DLGAP2: variants seen among roughly 807,000 people sequenced by gnomAD.
The protein encoded by DLGAP2 is DLG associated protein 2, also known as disks large-associated protein 2.
In DLGAP2, 26 loss-of-function variants were observed where a neutral mutation model predicts 100.3. The observed-to-expected ratio is 0.26, with a 90% confidence interval of 0.19 to 0.36. The LOEUF (loss-of-function observed/expected upper bound fraction) is 0.36. DLGAP2 is among the 10% of genes least tolerant of loss of function. The probability of loss-of-function intolerance (pLI) is 1.00; values close to 1 mark genes in which losing one functional copy is unlikely to be tolerated. For missense variants in DLGAP2, 1,858 were observed against 1,453.2 expected, an observed-to-expected ratio of 1.28 and a Z score of -4.53; for synonymous variants, 886 against 630.1, an observed-to-expected ratio of 1.41 and a Z score of -6.08.
At chr8:1,012,492 G>GCC in intron 2 of DLGAP2, among the ~76,000 whole-genome samples, 1 of 148,948 alleles carries the variant, frequency 6.7e-6, no homozygotes, top group Non-Finnish European at 1.5e-5. Flanking sequence ...CGTCTGACCA[G>GCC]CCCCCCACTT....
At chr8:1,511,845 C>G (rs542861825) in intron 4 of DLGAP2, among the ~76,000 whole-genome samples, 1 of 152,212 alleles carries the variant, frequency 6.6e-6, no homozygotes, top group African/African-American at 2.4e-5. Flanking sequence ...ATCAGTAGGT[C>G]ACATGAGCAA....
intron 8 of DLGAP2, among the ~76,000 whole-genome samples, chr8:1,651,341 T>C (rs1272291801): frequency 6.6e-6 from 1 of 152,142 alleles, no homozygotes; most frequent in African/African-American, 2.4e-5. Context: ...TCAGCAGCCA[T>C]GGTCACGTCC....
intron 3 of DLGAP2, among the ~76,000 whole-genome samples, chr8:1,486,201 C>A (rs371302753): frequency 1.3e-5 from 2 of 152,140 alleles, no homozygotes; most frequent in South Asian, 2.1e-4. Context: ...GAAACCAAGG[C>A]TTTCATTACT....
intron 3 of DLGAP2, among the ~76,000 whole-genome samples, chr8:1,308,063 G>A (rs541317070): frequency 6.6e-6 from 1 of 152,312 alleles, no homozygotes; most frequent in Non-Finnish European, 1.5e-5. Flanking sequence ...GCACAAAGCT[G>A]TGCATACACC....
rs572385796 is a variant in DLGAP2 at position 1,615,024 on chromosome 8, A to G, written c.1443-11716A>G. Among the ~76,000 whole-genome samples the G allele has an allele frequency of 3.3e-5, 5 of 152,352 alleles. No individual in the cohort carries two copies. In the East Asian group the frequency reaches 5.8e-4, roughly 18 times the overall value. ...TACCTGCTGCAGGAGGGCGGTAGGA[A>G]CTGAAGCAGACAGCTGCAGTCTCCT... On this transcript the variant is annotated intron_variant, in intron 6 of 14. Transcript: ENST00000637795.
Position 1,585,800 on chromosome 8 carries a change from C to G in DLGAP2, c.1442+19906C>G, listed in dbSNP as rs74778370. On this transcript the variant is annotated intron_variant, in intron 6 of 14. Coordinates refer to ENST00000637795, the MANE Select transcript of DLGAP2 (RefSeq NM_001346810.2). ...ATCAGTTATTAAACTGATGCTTAAA[C>G]TGTAAAATTATGACTCATTGTAAAG... is the stretch of plus-strand genomic sequence containing the variant. 3.8e-3 allele frequency among the ~76,000 whole-genome samples: 578 copies of G among 152,306 alleles called. 3 individuals are homozygous for G. Among genetic ancestry groups the G allele is most frequent in the African/African-American group, 0.013 (552 of 41,570 alleles).
At chr8:1,594,753 A>T (rs1796397900) in intron 6 of DLGAP2, among the ~76,000 whole-genome samples, 1 of 152,146 alleles carries the variant, frequency 6.6e-6, no homozygotes, top group Admixed American at 6.5e-5. Flanking sequence ...TGACTAATAG[A>T]ACTAGAGTTT....
intron 3 of DLGAP2, chr8:1,381,241 T>G (rs1326567634): frequency 6.6e-6 from 1 of 152,168 alleles, no homozygotes; most frequent in Non-Finnish European, 1.5e-5. Context: ...TCACCACCAA[T>G]TCCATGTGTG....
intron 3 of DLGAP2, among the ~76,000 whole-genome samples, chr8:1,456,687 C>G (rs983032390): frequency 6.6e-6 from 1 of 150,850 alleles, no homozygotes; most frequent in Non-Finnish European, 1.5e-5. Flanking sequence ...GAAGAGTTGT[C>G]TAGGATCCTT....
At chr8:866,726 G>C (rs375649473) in intron 1 of DLGAP2, among the ~76,000 whole-genome samples, 46 of 152,320 alleles carry the variant, frequency 3.0e-4, no homozygotes, top group African/African-American at 1.1e-3. Context: ...CAGACGCTGT[G>C]TGCTGTGAGC....
At chr8:1,303,155 T>C (rs368837512) in intron 3 of DLGAP2, among the ~76,000 whole-genome samples, 1 of 152,130 alleles carries the variant, frequency 6.6e-6, no homozygotes, top group East Asian at 1.9e-4. Flanking sequence ...CCCAGCACTT[T>C]GGAAGGCCGA....
intron 1 of DLGAP2, among the ~76,000 whole-genome samples, chr8:901,385 A>G (rs1206154381): frequency 6.6e-6 from 1 of 152,256 alleles, no homozygotes; most frequent in East Asian, 1.9e-4. Flanking sequence ...CTTCCAAAGA[A>G]AGTTAACAGG....
intron 12 of DLGAP2, among the ~76,000 whole-genome samples, chr8:1,683,816 T>C (rs1269654507): frequency 8.3e-6 from 1 of 119,874 alleles, no homozygotes; most frequent in African/African-American, 3.4e-5. Context: ...GATCCTGATT[T>C]TCCTTGTCTT....
At chr8:1,217,550 T>C (rs987186366) in intron 2 of DLGAP2, among the ~76,000 whole-genome samples, 23 of 152,274 alleles carry the variant, frequency 1.5e-4, no homozygotes, top group African/African-American at 5.1e-4. Context: ...TGGACTGTTT[T>C]CCCATTTGCT....
chr8:1,338,136 A>G (rs1448451899), intron 3 of DLGAP2, among the ~76,000 whole-genome samples: 1 of 152,252 alleles, frequency 6.6e-6, no homozygotes, highest in African/African-American at 2.4e-5. Context: ...TTCCACACAA[A>G]GTTAAACAGA....
At chr8:1,317,762 C>T (rs1800795687) in intron 3 of DLGAP2, among the ~76,000 whole-genome samples, 1 of 101,322 alleles carries the variant, frequency 9.9e-6, no homozygotes, top group African/African-American at 4.7e-5. Context: ...GTCTCTCCAA[C>T]AGTGGTCTAC....
rs146447383 is a variant in DLGAP2, at chr8:1,254,220, C to T, written c.74-4631C>T. ...CCCTGAAATCAGTGCCTCCCACAGG[C>T]ACCATGGTGAAGCCGGCGTCTCCCC... On this transcript the variant is annotated intron_variant, in intron 2 of 14. Transcript: ENST00000637795. Among the ~76,000 whole-genome samples, 1,380 of 152,298 alleles carry T rather than the reference C, an allele frequency of 9.1e-3. 11 individuals are homozygous for T. The highest frequency in any genetic ancestry group is 0.011 in the Non-Finnish European group (727 of 68,022).
At chr8:1,007,624 GTT>G (rs71528631) in intron 2 of DLGAP2, among the ~76,000 whole-genome samples, 101 of 114,770 alleles carry the variant, frequency 8.8e-4, no homozygotes, top group African/African-American at 1.5e-3. Flanking sequence ...TCTATGGGTA[GTT>G]TTTTTTTTTG....
In DLGAP2 at chr8:918,594, T is replaced by C. The variant is rs532972164; in HGVS notation, c.73+10628T>C. On this transcript the variant is annotated intron_variant, in intron 2 of 14. Transcript: ENST00000637795. ...GTGTTCACCGCAGTCTTCTGTGTTG[T>C]TGTCTTTGTGAACAAGACTGTGGTG... Among the ~76,000 whole-genome samples, 3 of 152,376 alleles carry C rather than the reference T, an allele frequency of 2.0e-5. No individual in the cohort carries two copies. In the South Asian group the frequency reaches 6.2e-4, roughly 32 times the overall value.
Sources: allele counts gnomAD v4.1 joint callset (sites outside exome capture counted in the v4.1 genomes callset), GRCh38; gene constraint gnomAD v4.1.1; transcripts MANE v1.5; gene names NCBI Gene and HGNC (gene_info 2026-07-23, HGNC 2026-07-21).